Variants in RUBCNL observed in about 807,000 individuals in gnomAD.
RUBCNL encodes rubicon like autophagy enhancer.
RUBCNL carries 62 observed loss-of-function variants against 69.5 expected under a neutral mutation model. That is an observed-to-expected ratio of 0.89 (90% confidence interval 0.73 to 1.10). The LOEUF (loss-of-function observed/expected upper bound fraction) is 1.10. Ranked by LOEUF, RUBCNL falls within the 50% of genes least tolerant of loss-of-function variation. The pLI is 0.00. For synonymous variants in RUBCNL, 291 were observed against 303.6 expected, an observed-to-expected ratio of 0.96 and a Z score of 0.43; for missense variants, 768 against 798.1, an observed-to-expected ratio of 0.96 and a Z score of 0.45.
chr13:46,378,064 G>T, intron 1 of RUBCNL, 59 bp from the exon 2 acceptor site: 1 of 876,500 alleles, frequency 1.1e-6, no homozygotes, highest in Non-Finnish European at 1.7e-6. Flanking sequence ...TATGTTACTT[G>T]TTGCCATATT....
chr13:46,364,396 C>CA (rs577189836), intron 5 of RUBCNL, among the ~76,000 whole-genome samples: 42,253 of 148,344 alleles, frequency 0.28, 6,823 homozygotes, highest in East Asian at 0.53. Context: ...GACTCCATCT[C>CA]AAAAAAAAAA....
intron 12 of RUBCNL, among the ~76,000 whole-genome samples, chr13:46,348,471 C>G (rs141550382): frequency 6.6e-6 from 1 of 152,128 alleles, no homozygotes; most frequent in African/African-American, 2.4e-5. Context: ...TGTGTCCCCA[C>G]CCAAATCTCA....
chr13:46,387,093 C>T lies in RUBCNL; in HGVS notation c.-239+41G>A, dbSNP rs2049266258. On this transcript the variant is annotated intron_variant, in intron 1 of 14. Coordinates refer to ENST00000429979, the MANE Select transcript of RUBCNL (RefSeq NM_025113.5). Reference sequence around the variant, plus strand: ...CCTTTCTCCAACCACCCTCTCCACCCCGCGCCGCTCCCATCTCGCCCCCGG... The same window carrying T: ...CCTTTCTCCAACCACCCTCTCCACCTCGCGCCGCTCCCATCTCGCCCCCGG... 2.6e-5 allele frequency: 26 copies of T among 985,710 alleles called. No individual in the cohort carries two copies. The South Asian group carries it at 1.2e-3, about 44-fold the overall frequency. 61.1% of individuals were successfully genotyped at this position (985,710 alleles called of 1,614,324 possible). A position where few individuals can be genotyped will look rare whatever the true frequency, so the allele number is the denominator to read the frequency against.
chr13:46,388,486 CAAGG>C (rs983957691), upstream of RUBCNL, among the ~76,000 whole-genome samples: 3 of 145,018 alleles, frequency 2.1e-5, no homozygotes, highest in African/African-American at 5.2e-5. Flanking sequence ...GAACCAAAGC[CAAGG>C]AAGGAAGGAA....
At chr13:46,349,260 CA>C (rs1455363005) in intron 12 of RUBCNL, 25 bp downstream of exon 12, 1 of 1,607,950 alleles carries the variant, frequency 6.2e-7, no homozygotes, top group Admixed American at 1.7e-5. Flanking sequence ...GGAGGGAAGG[CA>C]GCCTGTCCCA....
intron 2 of RUBCNL, among the ~76,000 whole-genome samples, chr13:46,375,120 G>T (rs2138817681): frequency 6.6e-6 from 1 of 152,280 alleles, no homozygotes; most frequent in East Asian, 1.9e-4. Flanking sequence ...TTCATGAGAG[G>T]AGGGGCCTTG....
At chr13:46,345,674 T>C in intron 12 of RUBCNL, 74 bp from the exon 13 acceptor site, 1 of 1,468,740 alleles carries the variant, frequency 6.8e-7, no homozygotes, top group Non-Finnish European at 9.2e-7. Flanking sequence ...GGCCAGTTGT[T>C]TTCTCTTGGC....
At position 46,336,785 on chromosome 13, in the gene RUBCNL, C is replaced by A. The variant is rs1185885071; in HGVS notation, c.*6600G>T. Among the ~76,000 whole-genome samples the A allele has an allele frequency of 1.3e-5, 2 of 152,010 alleles. No individual in the cohort carries two copies. Among genetic ancestry groups the A allele is most frequent in the Non-Finnish European group, 2.9e-5 (2 of 68,000 alleles). On this transcript the variant is annotated 3_prime_UTR_variant, in exon 15 of 15. Transcript: ENST00000429979. ...GCGATGGCAAACATTAAAAACTGTTCTTTCAAAAATGTTGCTGTGAAGAAG... is the reference window on the plus strand; with the variant it reads ...GCGATGGCAAACATTAAAAACTGTTATTTCAAAAATGTTGCTGTGAAGAAG...
chr13:46,343,799 T>C (rs531288482), intron 14 of RUBCNL, among the ~76,000 whole-genome samples: 1 of 152,234 alleles, frequency 6.6e-6, no homozygotes, highest in South Asian at 2.1e-4. Context: ...AGAGAGGTGG[T>C]GGCTGATAAC....
intron 1 of RUBCNL, among the ~76,000 whole-genome samples, chr13:46,381,517 T>C (rs945094358): frequency 6.6e-6 from 1 of 152,214 alleles, no homozygotes; most frequent in Admixed American, 6.5e-5. Context: ...TAAAATCAAC[T>C]GTGGTAATGA....
chr13:46,377,175 T>C (rs1445803459), intron 2 of RUBCNL, among the ~76,000 whole-genome samples: 2 of 152,218 alleles, frequency 1.3e-5, no homozygotes, highest in African/African-American at 2.4e-5. Context: ...TTTGTGTGTT[T>C]GGTGGGGGGA....
chr13:46,369,085 G>A (rs116426431), intron 3 of RUBCNL, among the ~76,000 whole-genome samples: 1 of 152,332 alleles, frequency 6.6e-6, no homozygotes, highest in African/African-American at 2.4e-5. Flanking sequence ...GGAAAAGAGG[G>A]TAGAAAGAGA....
chr13:46,371,790 C>G lies in RUBCNL; in HGVS notation c.535+151G>C, dbSNP rs529701477. On this transcript the variant is annotated intron_variant, in intron 3 of 14. Coordinates refer to ENST00000429979, the MANE Select transcript of RUBCNL (RefSeq NM_025113.5). ...AGGAGAAAGCCAATATTTGATTTCACCTGTTGTGACCGCCCAGATGGCTGG... is the reference window on the plus strand; with the variant it reads ...AGGAGAAAGCCAATATTTGATTTCAGCTGTTGTGACCGCCCAGATGGCTGG... The G allele has an allele frequency of 3.6e-5, 26 of 731,620 alleles. 1 individual carries two copies. Among genetic ancestry groups the G allele is most frequent in the African/African-American group, 2.8e-4 (16 of 56,262 alleles). The allele number at this position is 731,620 out of a possible 1,614,324, so 45.3% of individuals were successfully genotyped here. A position where few individuals can be genotyped will look rare whatever the true frequency, so the allele number is the denominator to read the frequency against.
intron 2 of RUBCNL, among the ~76,000 whole-genome samples, chr13:46,374,145 T>C (rs1474307281): frequency 6.6e-6 from 1 of 152,226 alleles, no homozygotes; most frequent in Non-Finnish European, 1.5e-5. Flanking sequence ...AGTGGCACAA[T>C]CTCGGCTCAC....
rs56899132 is a variant in RUBCNL, at chr13:46,368,483, C to T, written c.619-234G>A. 1.2e-3 allele frequency: 1,226 copies of T among 985,272 alleles called. 14 individuals are homozygous for T. In the African/African-American group the frequency reaches 0.021, roughly 17 times the overall value. 61.0% of individuals were successfully genotyped at this position (985,272 alleles called of 1,614,324 possible). A position where few individuals can be genotyped will look rare whatever the true frequency, so the allele number is the denominator to read the frequency against. ...AACTCAAATTGGATTTCTTGTTATACAAAACCTTAGGTTGGGGGAAGCCTA... is the reference window on the plus strand; with the variant it reads ...AACTCAAATTGGATTTCTTGTTATATAAAACCTTAGGTTGGGGGAAGCCTA... On this transcript the variant is annotated intron_variant, in intron 4 of 14. Coordinates refer to ENST00000429979, the MANE Select transcript of RUBCNL (RefSeq NM_025113.5).
At chr13:46,382,124 G>C (rs2049130737) in intron 1 of RUBCNL, among the ~76,000 whole-genome samples, 1 of 152,094 alleles carries the variant, frequency 6.6e-6, no homozygotes, top group Non-Finnish European at 1.5e-5. Context: ...TTAAATCAGT[G>C]AAGCATTTGG....
rs535728540 is a variant in RUBCNL, at chr13:46,340,863, C to G, written c.*2522G>C. Among the ~76,000 whole-genome samples the G allele has an allele frequency of 6.6e-6, 1 of 152,268 alleles. No homozygotes were observed. The highest frequency in any genetic ancestry group is 2.1e-4 in the South Asian group (1 of 4,820). On this transcript the variant is annotated 3_prime_UTR_variant, in exon 15 of 15. Transcript: ENST00000429979. ...TGCCACCAAGCTATTCTTGAGGGAT[C>G]CACCCGCATGACCCAAACACCTCTT...
At position 46,383,137 on chromosome 13, in the gene RUBCNL, A is replaced by G. The variant is rs191412283; in HGVS notation, c.-239+3997T>C. On this transcript the variant is annotated intron_variant, in intron 1 of 14. Coordinates refer to ENST00000429979, the MANE Select transcript of RUBCNL (RefSeq NM_025113.5). ...GAGAAGGGAGAAGGTTGTTCATTGT[A>G]CTATTCTATGTTTAAGTTTGAAATT... Among the ~76,000 whole-genome samples, 544 of 152,312 alleles carry G rather than the reference A, an allele frequency of 3.6e-3. 3 individuals are homozygous for G. Among genetic ancestry groups the G allele is most frequent in the African/African-American group, 0.012 (510 of 41,558 alleles).
intron 12 of RUBCNL, among the ~76,000 whole-genome samples, chr13:46,348,438 A>T (rs1286007295): frequency 6.6e-6 from 1 of 152,120 alleles, no homozygotes; most frequent in Non-Finnish European, 1.5e-5. Context: ...TAATGAGTTA[A>T]ATTCTCCATT....
Sources: allele counts gnomAD v4.1 joint callset (sites outside exome capture counted in the v4.1 genomes callset), GRCh38; gene constraint gnomAD v4.1.1; transcripts MANE v1.5; gene names NCBI Gene and HGNC (gene_info 2026-07-23, HGNC 2026-07-21).